KCNMA1: variants seen among roughly 807,000 people sequenced by gnomAD.
KCNMA1 encodes the protein potassium calcium-activated channel subfamily M alpha 1.
Under a neutral mutation model 140.0 loss-of-function variants are expected in KCNMA1, and 29 were observed. The observed-to-expected ratio is 0.21, with a 90% CI of 0.15 to 0.28. The LOEUF (loss-of-function observed/expected upper bound fraction) is 0.28, where lower values mean the gene tolerates loss of function less well. Ranked by LOEUF, KCNMA1 falls within the 10% of genes least tolerant of loss-of-function variation. The probability of loss-of-function intolerance (pLI) is 1.00; values close to 1 mark genes in which losing one functional copy is unlikely to be tolerated. For synonymous variants in KCNMA1, 612 were observed against 611.9 expected (o/e 1.00, Z 0.00); for missense variants, 880 against 1,602.2 (o/e 0.55, Z 7.70).
At chr10:77,122,278 C>A (rs923419545) in intron 5 of KCNMA1, among the ~76,000 whole-genome samples, 4 of 151,904 alleles carry the variant, frequency 2.6e-5, no homozygotes, top group African/African-American at 9.7e-5. Context: ...AGGATTGGCT[C>A]AAAAAAATAA....
At chr10:76,906,457 C>T (rs1468625197) in intron 25 of KCNMA1, among the ~76,000 whole-genome samples, 1 of 152,164 alleles carries the variant, frequency 6.6e-6, no homozygotes, top group Non-Finnish European at 1.5e-5. Context: ...CTGATCTGTT[C>T]CAGGAATGCC....
intron 6 of KCNMA1, among the ~76,000 whole-genome samples, chr10:77,117,923 C>T (rs1451974017): frequency 6.6e-6 from 1 of 152,174 alleles, no homozygotes; most frequent in East Asian, 1.9e-4. Flanking sequence ...TTGTGATTTG[C>T]CCATTTCATC....
At chr10:77,537,216 T>G (rs2154554143) in intron 1 of KCNMA1, among the ~76,000 whole-genome samples, 1 of 152,254 alleles carries the variant, frequency 6.6e-6, no homozygotes, top group East Asian at 1.9e-4. Flanking sequence ...ACTCCTCTTC[T>G]GCTCCATTGC....
intron 26 of KCNMA1, 22 bp from the exon 27 acceptor site, chr10:76,889,591 G>C: frequency 6.6e-7 from 1 of 1,522,296 alleles, no homozygotes; most frequent in Non-Finnish European, 9.1e-7. Context: ...CAAAAGAACA[G>C]AGAGAAACAT....
intron 1 of KCNMA1, among the ~76,000 whole-genome samples, chr10:77,408,995 G>C (rs1000291849): frequency 6.6e-6 from 1 of 152,162 alleles, no homozygotes; most frequent in African/African-American, 2.4e-5. Flanking sequence ...CCAGAGAGAA[G>C]AGTGGCCACA....
chr10:77,556,502 C>CA (rs11446237), intron 1 of KCNMA1, among the ~76,000 whole-genome samples: 25,033 of 68,402 alleles, frequency 0.37, 5,272 homozygotes, highest in East Asian at 0.64. Context: ...GGGACTATCT[C>CA]AAAAAAAAAA....
intron 2 of KCNMA1, among the ~76,000 whole-genome samples, chr10:77,330,522 G>T (rs1035307596): frequency 3.3e-5 from 5 of 152,162 alleles, no homozygotes; most frequent in Non-Finnish European, 7.3e-5. Flanking sequence ...CAATGGCAAT[G>T]ACCCCTCCTT....
chr10:77,455,190 A>G (rs1317268616), intron 1 of KCNMA1, among the ~76,000 whole-genome samples: 2 of 152,202 alleles, frequency 1.3e-5, no homozygotes, highest in African/African-American at 4.8e-5. Flanking sequence ...AATCTTCAGA[A>G]CCGGGCTCTC....
intron 2 of KCNMA1, among the ~76,000 whole-genome samples, chr10:77,402,657 A>G (rs932873844): frequency 6.6e-6 from 1 of 152,162 alleles, no homozygotes; most frequent in South Asian, 2.1e-4. Context: ...AGTTCTCCCC[A>G]AGAAGGATTC....
chr10:77,359,302 G>T (rs1190728327), intron 2 of KCNMA1, among the ~76,000 whole-genome samples: 1 of 152,254 alleles, frequency 6.6e-6, no homozygotes, highest in Middle Eastern at 3.4e-3. Flanking sequence ...CGAGTGTGTC[G>T]GTATGTGTGT....
intron 1 of KCNMA1, among the ~76,000 whole-genome samples, chr10:77,540,553 T>G (rs990889160): frequency 5.9e-5 from 9 of 152,356 alleles, no homozygotes. Context: ...CTGGCAGTAG[T>G]AAGACTAGCA....
intron 1 of KCNMA1, among the ~76,000 whole-genome samples, chr10:77,613,809 A>G (rs1191869793): frequency 6.6e-6 from 1 of 152,224 alleles, no homozygotes; most frequent in African/African-American, 2.4e-5. Flanking sequence ...ACAGGGAAGG[A>G]AAGAGGAGAT....
intron 1 of KCNMA1, among the ~76,000 whole-genome samples, chr10:77,414,147 A>G (rs2096681770): frequency 6.6e-6 from 1 of 152,228 alleles, no homozygotes; most frequent in South Asian, 2.1e-4. Context: ...GCAGGGAGCC[A>G]TGTAAACACT....
At chr10:77,507,089 A>G (rs2046409168) in intron 1 of KCNMA1, among the ~76,000 whole-genome samples, 1 of 152,160 alleles carries the variant, frequency 6.6e-6, no homozygotes, top group Admixed American at 6.5e-5. Flanking sequence ...TGTTTCCCAA[A>G]TGGGCAGGGG....
intron 1 of KCNMA1, among the ~76,000 whole-genome samples, chr10:77,591,950 G>A (rs535197897): frequency 3.5e-4 from 53 of 152,148 alleles, no homozygotes; most frequent in Admixed American, 5.2e-4. Flanking sequence ...GCTTCTCCAC[G>A]TTTCTCTCAG....
At chr10:76,941,091 G>GAAAGAAAGAA (rs2062070461) in intron 23 of KCNMA1, among the ~76,000 whole-genome samples, 1 of 94,770 alleles carries the variant, frequency 1.1e-5, no homozygotes, top group African/African-American at 4.0e-5. Context: ...GAAAGAGAAA[G>GAAAGAAAGAA]AAAGAAAGAA....
chr10:77,626,892 A>G (rs1311528245), intron 1 of KCNMA1, among the ~76,000 whole-genome samples: 2 of 152,158 alleles, frequency 1.3e-5, no homozygotes, highest in African/African-American at 4.8e-5. Flanking sequence ...AGGTAACTAA[A>G]ACCAAAATCC....
chr10:77,497,178 T>G (rs2042260436), intron 1 of KCNMA1, among the ~76,000 whole-genome samples: 1 of 152,244 alleles, frequency 6.6e-6, no homozygotes, highest in Non-Finnish European at 1.5e-5. Context: ...TCTTACTTGA[T>G]GAATTTTCAA....
At chr10:77,234,811 G>C (rs545528744) in intron 3 of KCNMA1, among the ~76,000 whole-genome samples, 2 of 152,180 alleles carry the variant, frequency 1.3e-5, no homozygotes, top group Non-Finnish European at 2.9e-5. Flanking sequence ...ACAGAGTTGG[G>C]ATTTGCAACC....
Sources: gnomAD v4.1 joint callset for allele counts (sites outside exome capture counted in the v4.1 genomes callset) on GRCh38, gnomAD v4.1.1 for gene constraint, MANE v1.5 for transcripts, NCBI Gene and HGNC (gene_info 2026-07-23, HGNC 2026-07-21) for gene names.